The following FTCDNL1 variants were observed in gnomAD, a reference collection of about 807,000 sequenced individuals.
The protein encoded by FTCDNL1 is formiminotransferase N-terminal subdomain-containing protein.
Under a neutral mutation model 5.9 loss-of-function variants are expected in FTCDNL1, and 11 were observed. The observed-to-expected ratio is 1.87, with a 90% CI of 1.18 to 3.10. FTCDNL1 has a LOEUF of 3.10. Among genes scored for constraint, FTCDNL1 ranks in the 30% most tolerant of loss-of-function variants. The pLI is 0.00. For missense variants in FTCDNL1, 115 were observed against 65.5 expected, an observed-to-expected ratio of 1.76 and a Z score of -2.61; for synonymous variants, 58 against 24.8, an observed-to-expected ratio of 2.34 and a Z score of -3.99.
the FTCDNL1 span, among the ~76,000 whole-genome samples, chr2:199,740,891 C>T: frequency 6.6e-6 from 1 of 152,116 alleles, no homozygotes; most frequent in Non-Finnish European, 1.5e-5. Context: ...GAAGACAGGG[C>T]TAGGATCTAC....
intron 3 of FTCDNL1, among the ~76,000 whole-genome samples, chr2:199,767,692 A>G (rs1574453144): frequency 6.6e-6 from 1 of 152,198 alleles, no homozygotes; most frequent in Non-Finnish European, 1.5e-5. Flanking sequence ...GTGAGAACAT[A>G]GCATCTGTCA....
At chr2:199,839,137 T>C (rs558887724) in intron 3 of FTCDNL1, among the ~76,000 whole-genome samples, 2 of 151,924 alleles carry the variant, frequency 1.3e-5, no homozygotes, top group East Asian at 3.9e-4. Context: ...AACACGGCAT[T>C]ATCAAACATT....
the FTCDNL1 span, among the ~76,000 whole-genome samples, chr2:199,724,482 T>C: frequency 6.6e-6 from 1 of 152,056 alleles, no homozygotes; most frequent in Non-Finnish European, 1.5e-5. Context: ...ATTAGGATGT[T>C]GATTTGAGAT....
At chr2:199,757,320 A>G (rs539476074), downstream of FTCDNL1, among the ~76,000 whole-genome samples, 1 of 152,268 alleles carries the variant, frequency 6.6e-6, no homozygotes, top group East Asian at 1.9e-4. Flanking sequence ...AAAAAATCCA[A>G]GGAAAGGGGT....
At position 199,811,018 on chromosome 2, in the gene FTCDNL1, A is replaced by G. The variant is rs1039922231; in HGVS notation, c.*1687T>C. On this transcript the variant is annotated 3_prime_UTR_variant, in exon 5 of 5. Coordinates refer to ENST00000420128, the MANE Select transcript of FTCDNL1 (RefSeq NM_001363886.2). Reference sequence around the variant, plus strand: ...CAGAAAATCAGCACACGGAAACCACATTTCATCTTTTTCCCACACATGTAC... The same window carrying G: ...CAGAAAATCAGCACACGGAAACCACGTTTCATCTTTTTCCCACACATGTAC... Among the ~76,000 whole-genome samples the G allele has an allele frequency of 2.0e-5, 3 of 152,116 alleles. No individual in the cohort carries two copies. The highest frequency in any genetic ancestry group is 4.4e-5 in the Non-Finnish European group (3 of 68,038).
At chr2:199,695,651 A>G in the FTCDNL1 span, among the ~76,000 whole-genome samples, 1 of 152,122 alleles carries the variant, frequency 6.6e-6, no homozygotes, top group East Asian at 1.9e-4. Flanking sequence ...ATGAGTGTAG[A>G]GTGACCCACT....
At chr2:199,754,754 G>A in the FTCDNL1 span, among the ~76,000 whole-genome samples, 2 of 152,142 alleles carry the variant, frequency 1.3e-5, no homozygotes, top group African/African-American at 4.8e-5. Flanking sequence ...CCTCATGACT[G>A]CGCCTTGCAG....
the FTCDNL1 span, among the ~76,000 whole-genome samples, chr2:199,682,820 C>T: frequency 6.6e-6 from 1 of 152,124 alleles, no homozygotes; most frequent in Non-Finnish European, 1.5e-5. Context: ...TCTCATTATC[C>T]TGTGCAGATC....
intron 3 of FTCDNL1, among the ~76,000 whole-genome samples, chr2:199,798,319 T>C (rs959635947): frequency 6.6e-6 from 1 of 152,156 alleles, no homozygotes; most frequent in Non-Finnish European, 1.5e-5. Flanking sequence ...AATTACCAAG[T>C]GGAATAAAAC....
chr2:199,807,893 C>T (rs747092839), downstream of FTCDNL1, among the ~76,000 whole-genome samples: 29 of 151,956 alleles, frequency 1.9e-4, no homozygotes, highest in Non-Finnish European at 3.4e-4. Flanking sequence ...ATGTCTCCAC[C>T]CAAATCTCAT....
the FTCDNL1 span, among the ~76,000 whole-genome samples, chr2:199,743,544 G>A: frequency 6.6e-6 from 1 of 152,184 alleles, no homozygotes; most frequent in Non-Finnish European, 1.5e-5. Flanking sequence ...CAAAGGTGTA[G>A]ATGGAGTGGT....
chr2:199,764,746 A>C (rs1314810912), intron 3 of FTCDNL1, among the ~76,000 whole-genome samples: 1 of 152,194 alleles, frequency 6.6e-6, no homozygotes. Context: ...AAATGTCCAC[A>C]GTGCCCCTAG....
At chr2:199,686,770 T>C in the FTCDNL1 span, among the ~76,000 whole-genome samples, 9 of 152,182 alleles carry the variant, frequency 5.9e-5, no homozygotes. Context: ...AGATGGTTAT[T>C]ACATAGATAA....
chr2:199,720,070 T>C, the FTCDNL1 span, among the ~76,000 whole-genome samples: 1 of 152,180 alleles, frequency 6.6e-6, no homozygotes, highest in South Asian at 2.1e-4. Context: ...TAGACTGTTA[T>C]TGGTGTATAG....
chr2:199,787,821 CAGAT>C (rs1357313362), intron 3 of FTCDNL1, among the ~76,000 whole-genome samples: 8 of 152,198 alleles, frequency 5.3e-5, no homozygotes, highest in African/African-American at 1.9e-4. Context: ...TATAAATTCA[CAGAT>C]AGTCAATTTT....
the FTCDNL1 span, among the ~76,000 whole-genome samples, chr2:199,670,926 A>C: frequency 6.6e-6 from 1 of 152,158 alleles, no homozygotes; most frequent in Non-Finnish European, 1.5e-5. Context: ...TTGTGAAAAG[A>C]GGGCTAAATA....
At chr2:199,784,080 C>T (rs1699514428) in intron 3 of FTCDNL1, among the ~76,000 whole-genome samples, 1 of 152,260 alleles carries the variant, frequency 6.6e-6, no homozygotes, top group African/African-American at 2.4e-5. Context: ...TCCTTCATGG[C>T]TCACTACCCT....
chr2:199,680,556 C>G, the FTCDNL1 span, among the ~76,000 whole-genome samples: 5 of 152,152 alleles, frequency 3.3e-5, no homozygotes, highest in East Asian at 9.6e-4. Context: ...AGAGCTATCA[C>G]AGAGAATAAA....
chr2:199,686,094 T>G, the FTCDNL1 span, among the ~76,000 whole-genome samples: 1 of 152,230 alleles, frequency 6.6e-6, no homozygotes, highest in Non-Finnish European at 1.5e-5. Context: ...CCAAACTTAC[T>G]TCAGACCCCA....
Sources: gnomAD v4.1 joint callset for allele counts (sites outside exome capture counted in the v4.1 genomes callset) on GRCh38, gnomAD v4.1.1 for gene constraint, MANE v1.5 for transcripts, NCBI Gene and HGNC (gene_info 2026-07-23, HGNC 2026-07-21) for gene names.